Variants in AK9 observed in about 807,000 individuals in gnomAD.
AK9 encodes adenylate kinase 9, also known as adenylate kinase domain containing 1.
A neutral mutation model predicts 239.6 loss-of-function variants in AK9; 191 were observed. The observed-to-expected ratio is 0.80, with a 90% CI of 0.71 to 0.90. The LOEUF is 0.90. AK9 is among the 40% of genes least tolerant of loss of function. AK9 has a pLI of 0.00. For synonymous variants in AK9, 689 were observed against 721.0 expected, an observed-to-expected ratio of 0.96 and a Z score of 0.71; for missense variants, 1,995 against 2,214.7, an observed-to-expected ratio of 0.90 and a Z score of 1.99.
chr6:109,660,912 T>A (rs753906866), intron 6 of AK9: 3 of 498,362 alleles, frequency 6.0e-6, no homozygotes, highest in Admixed American at 2.1e-5. Context: ...TCTAGTAGAT[T>A]GCTAGCCTTT....
chr6:109,601,718 C>A (rs1792004041), intron 17 of AK9, among the ~76,000 whole-genome samples: 1 of 152,104 alleles, frequency 6.6e-6, no homozygotes, highest in African/African-American at 2.4e-5. Context: ...GAGTCTAAGT[C>A]TCTTTGTAGG....
intron 17 of AK9, among the ~76,000 whole-genome samples, chr6:109,606,253 A>AATAGATAGATAGATAG (rs57376541): frequency 6.8e-6 from 1 of 148,132 alleles, no homozygotes; most frequent in South Asian, 2.2e-4. Context: ...ATCACTTGTG[A>AATAGATAGATAGATAG]ATAGATAGAT....
chr6:109,635,555 T>C (rs1475787526), intron 10 of AK9, among the ~76,000 whole-genome samples: 1 of 152,106 alleles, frequency 6.6e-6, no homozygotes, highest in Non-Finnish European at 1.5e-5. Flanking sequence ...CAGAGGAGCA[T>C]GTGAGGGACC....
chr6:109,674,240 C>T lies in AK9; in HGVS notation c.139G>A (p.Ala47Thr). The T allele has an allele frequency of 6.3e-7, 1 of 1,588,138 alleles. No homozygotes were observed. The highest frequency in any genetic ancestry group is 1.7e-4 in the Middle Eastern group (1 of 5,900). Residue 47 changes from alanine (A) to threonine (T), a missense_variant, in exon 3 of 41, where the codon GCC (alanine) becomes ACC (threonine). This residue lies in a region of AK9 where 252 missense variants were observed against 246.4 expected (regional missense o/e 1.02). Coordinates refer to ENST00000424296, the MANE Select transcript of AK9 (RefSeq NM_001145128.3). ...GKPGVGKTTL[A>T]RYITQAWKCI... ...TTCCATGCCTGTGTTATGTAACGGG[C>T]TAATGTTGTTTTCCCAACACCCTTA...
intron 39 of AK9, 121 bp downstream of exon 39, chr6:109,495,217 G>T: frequency 1.3e-6 from 1 of 749,570 alleles, no homozygotes; most frequent in Non-Finnish European, 2.1e-6. Flanking sequence ...GAGAGAATTT[G>T]CAGCTTAAAA....
chr6:109,548,256 A>C (rs75416030), intron 25 of AK9, among the ~76,000 whole-genome samples: 5,198 of 152,288 alleles, frequency 0.034, 138 homozygotes, highest in East Asian at 0.095. Flanking sequence ...GCACCAAATA[A>C]ACTCATATGA....
chr6:109,610,979 T>G (rs1463658591), intron 16 of AK9, among the ~76,000 whole-genome samples: 1 of 152,194 alleles, frequency 6.6e-6, no homozygotes, highest in African/African-American at 2.4e-5. Flanking sequence ...GTTTCAAGTG[T>G]TACACTTGAT....
chr6:109,647,637 A>G (rs1380213540), intron 8 of AK9, among the ~76,000 whole-genome samples: 2 of 152,188 alleles, frequency 1.3e-5, no homozygotes, highest in Non-Finnish European at 2.9e-5. Flanking sequence ...CACAATAATA[A>G]TGGGAGACTT....
intron 26 of AK9, 62 bp from the exon 27 acceptor site, chr6:109,542,233 C>T (rs186931381): frequency 3.3e-5 from 48 of 1,448,692 alleles, no homozygotes; most frequent in Middle Eastern, 2.2e-4. Context: ...ATTGCATGTT[C>T]TCACTCATAT....
chr6:109,578,088 C>T (rs537991124), intron 20 of AK9, among the ~76,000 whole-genome samples: 6 of 152,082 alleles, frequency 3.9e-5, no homozygotes, highest in East Asian at 1.9e-4. Context: ...TGCACCACCA[C>T]GCCTGGCTAA....
chr6:109,543,406 C>T (rs887250971), intron 26 of AK9, among the ~76,000 whole-genome samples: 1 of 152,092 alleles, frequency 6.6e-6, no homozygotes, highest in Non-Finnish European at 1.5e-5. Flanking sequence ...ATTTGTTGCA[C>T]TTTAAAATCT....
At chr6:109,684,990 T>A (rs1773295404) in intron 1 of AK9, among the ~76,000 whole-genome samples, 1 of 142,280 alleles carries the variant, frequency 7.0e-6, no homozygotes, top group Admixed American at 7.1e-5. Context: ...AAAATGCTCA[T>A]CATCACTGGT....
Position 109,499,998 on chromosome 6 carries a change from G to A in AK9, c.4850-758C>T, listed in dbSNP as rs535046934. Reference sequence around the variant, plus strand: ...TTATCTATTGGTGAATGTTTTGGCCGTTTTAGTTCTTAGCTATTATAGACT... The same window carrying A: ...TTATCTATTGGTGAATGTTTTGGCCATTTTAGTTCTTAGCTATTATAGACT... On this transcript the variant is annotated intron_variant, in intron 35 of 40. Transcript: ENST00000424296. 4.9e-4 allele frequency among the ~76,000 whole-genome samples: 74 copies of A among 149,944 alleles called. 1 individual carries two copies. Among genetic ancestry groups the A allele is most frequent in the Admixed American group, 2.0e-3 (30 of 14,902 alleles).
chr6:109,564,296 C>A lies in AK9; in HGVS notation c.2435-16G>T, dbSNP rs1474167617. 2.3e-5 allele frequency: 35 copies of A among 1,516,722 alleles called. No homozygotes were observed. The Admixed American group carries it at 2.5e-4, about 11-fold the overall frequency. 94.0% of individuals were successfully genotyped at this position (1,516,722 alleles called of 1,614,324 possible). The stretch of plus-strand genomic sequence containing the variant: ...GGTAGTACAACTTTGGAGTAAAAGA[C>A]AAAGGAAAGAAAAAAGGGGCTTTAA... On this transcript the variant is annotated splice_polypyrimidine_tract_variant and intron_variant, in intron 22 of 40. Coordinates refer to ENST00000424296, the MANE Select transcript of AK9 (RefSeq NM_001145128.3).
At chr6:109,497,651 TC>T in intron 37 of AK9, 88 bp from the exon 38 acceptor site, 1 of 1,330,764 alleles carries the variant, frequency 7.5e-7, no homozygotes, top group Non-Finnish European at 1.0e-6. Flanking sequence ...ATTTTATTTT[TC>T]TACCTATGTA....
chr6:109,497,344 A>ACG, intron 38 of AK9, 121 bp downstream of exon 38: 1 of 600,154 alleles, frequency 1.7e-6, no homozygotes, highest in East Asian at 3.5e-5. Flanking sequence ...ACACACACAC[A>ACG]CACACACACA....
intron 27 of AK9, among the ~76,000 whole-genome samples, chr6:109,536,312 A>G (rs559573509): frequency 6.6e-6 from 1 of 152,262 alleles, no homozygotes. Flanking sequence ...CTCCTTGAAG[A>G]GGTCCTTCAC....
intron 17 of AK9, among the ~76,000 whole-genome samples, chr6:109,591,591 T>C (rs1790252640): frequency 1.3e-5 from 2 of 152,156 alleles, no homozygotes; most frequent in Non-Finnish European, 2.9e-5. Flanking sequence ...ACAGTCTCGA[T>C]TGTGTAACTG....
intron 17 of AK9, among the ~76,000 whole-genome samples, chr6:109,598,197 A>G (rs1791330693): frequency 1.3e-5 from 2 of 151,416 alleles, no homozygotes; most frequent in South Asian, 2.1e-4. Flanking sequence ...TACATTAGGT[A>G]TATCTCCTAA....
Sources: gnomAD v4.1 joint callset for allele counts (sites outside exome capture counted in the v4.1 genomes callset) on GRCh38, gnomAD v4.1.1 for gene constraint, gnomAD v4.1.1 regional missense constraint, MANE v1.5 for transcripts, NCBI Gene and HGNC (gene_info 2026-07-23, HGNC 2026-07-21) for gene names.